Variants in FHIT observed in about 807,000 individuals in gnomAD.
FHIT encodes the protein fragile histidine triad diadenosine triphosphatase.
Under a neutral mutation model 17.9 loss-of-function variants are expected in FHIT, and 19 were observed. The ratio of observed to expected loss-of-function variants is 1.06; its 90% CI spans 0.74 to 1.56. The LOEUF (loss-of-function observed/expected upper bound fraction) is 1.56. FHIT is among the 40% of genes most tolerant of loss of function. FHIT has a pLI of 0.00. For missense variants in FHIT, 248 were observed against 189.2 expected, an observed-to-expected ratio of 1.31 and a Z score of -1.82; for synonymous variants, 81 against 69.7, an observed-to-expected ratio of 1.16 and a Z score of -0.81.
chr3:60,059,154 C>A (rs1386935875), intron 5 of FHIT, among the ~76,000 whole-genome samples: 2 of 152,186 alleles, frequency 1.3e-5, no homozygotes, highest in Non-Finnish European at 2.9e-5. Context: ...TAATTTGTCA[C>A]AGCCAGCACC....
chr3:59,960,496 G>C (rs1053685680), intron 7 of FHIT, among the ~76,000 whole-genome samples: 1 of 152,142 alleles, frequency 6.6e-6, no homozygotes, highest in Admixed American at 6.5e-5. Flanking sequence ...CATCCTAGTG[G>C]AGTGGCCTAA....
chr3:60,491,564 G>C (rs1170785382), intron 5 of FHIT, among the ~76,000 whole-genome samples: 2 of 152,134 alleles, frequency 1.3e-5, no homozygotes, highest in Admixed American at 6.5e-5. Context: ...CATATAACAT[G>C]CCAGCTTAAT....
chr3:59,959,271 C>A (rs1707552892), intron 7 of FHIT, among the ~76,000 whole-genome samples: 1 of 152,274 alleles, frequency 6.6e-6, no homozygotes, highest in African/African-American at 2.4e-5. Context: ...GTCGGAGCTA[C>A]CCTTTAAAGA....
intron 2 of FHIT, among the ~76,000 whole-genome samples, chr3:61,196,218 T>TCTTC (rs1250572453): frequency 6.6e-6 from 1 of 152,052 alleles, no homozygotes; most frequent in African/African-American, 2.4e-5. Flanking sequence ...TGGGAAGCAA[T>TCTTC]CCAGAGAGAG....
chr3:61,114,397 G>A (rs982304780), intron 2 of FHIT, among the ~76,000 whole-genome samples: 4 of 152,176 alleles, frequency 2.6e-5, no homozygotes, highest in Admixed American at 2.6e-4. Flanking sequence ...TTTATTGGCA[G>A]CCAGAAGCCC....
intron 8 of FHIT, among the ~76,000 whole-genome samples, chr3:59,876,110 C>A (rs1240916432): frequency 6.6e-6 from 1 of 151,978 alleles, no homozygotes; most frequent in East Asian, 1.9e-4. Context: ...ATTATAGTTT[C>A]ATATGCCTGT....
chr3:60,399,852 C>G (rs138458396), intron 5 of FHIT, among the ~76,000 whole-genome samples: 1 of 152,210 alleles, frequency 6.6e-6, no homozygotes, highest in East Asian at 1.9e-4. Flanking sequence ...TTTTCTGTGG[C>G]TGAGTTAGGC....
intron 5 of FHIT, among the ~76,000 whole-genome samples, chr3:60,283,419 A>G (rs1707562067): frequency 6.6e-6 from 1 of 152,100 alleles, no homozygotes; most frequent in African/African-American, 2.4e-5. Flanking sequence ...TATTTTTCAC[A>G]TACCATAACA....
chr3:60,412,083 T>G (rs966636232), intron 5 of FHIT, among the ~76,000 whole-genome samples: 3 of 152,020 alleles, frequency 2.0e-5, no homozygotes, highest in African/African-American at 7.2e-5. Flanking sequence ...TTGGAAAGTT[T>G]TAAAAAGTAA....
intron 5 of FHIT, among the ~76,000 whole-genome samples, chr3:60,105,282 G>A (rs115850384): frequency 0.031 from 4,776 of 152,258 alleles, 100 homozygotes; most frequent in Non-Finnish European, 0.042. Context: ...TTCAGAGACA[G>A]TAAGATTTCA....
intron 5 of FHIT, among the ~76,000 whole-genome samples, chr3:60,251,006 G>T (rs1262639987): frequency 1.3e-5 from 2 of 152,198 alleles, no homozygotes; most frequent in South Asian, 4.1e-4. Context: ...CACGTGGTTT[G>T]TAAGTAGCCC....
intron 5 of FHIT, among the ~76,000 whole-genome samples, chr3:60,359,590 A>G (rs1699819877): frequency 6.6e-6 from 1 of 152,142 alleles, no homozygotes; most frequent in South Asian, 2.1e-4. Context: ...GAATATCAAA[A>G]TATCTTTTTC....
intron 4 of FHIT, among the ~76,000 whole-genome samples, chr3:60,715,574 G>A (rs551515087): frequency 1.2e-4 from 16 of 135,540 alleles, no homozygotes; most frequent in African/African-American, 4.2e-4. Context: ...TGAACAATGA[G>A]AACACATGGA....
chr3:59,902,600 G>A (rs1008534337), intron 8 of FHIT, among the ~76,000 whole-genome samples: 4 of 151,610 alleles, frequency 2.6e-5, no homozygotes, highest in East Asian at 1.9e-4. Context: ...AATGGAATAC[G>A]ATTTACTCTT....
rs183906840 is a variant in FHIT at position 60,479,469 on chromosome 3, G to A, written c.103+57391C>T. On this transcript the variant is annotated intron_variant, in intron 5 of 9. Coordinates refer to ENST00000492590, the MANE Select transcript of FHIT (RefSeq NM_002012.4). ...ATAATGTATCTGGAAAATTCCTATTGCTTAGTGACATCCTAGCTGTCTTAA... is the reference window on the plus strand; with the variant it reads ...ATAATGTATCTGGAAAATTCCTATTACTTAGTGACATCCTAGCTGTCTTAA... Among the ~76,000 whole-genome samples, 3 of 152,280 alleles carry A rather than the reference G, an allele frequency of 2.0e-5. No homozygotes were observed. In the East Asian group the frequency reaches 5.8e-4, roughly 29 times the overall value.
intron 4 of FHIT, among the ~76,000 whole-genome samples, chr3:60,734,461 G>A (rs1386261612): frequency 1.3e-5 from 2 of 152,164 alleles, no homozygotes; most frequent in African/African-American, 4.8e-5. Flanking sequence ...GGAGTGCAGT[G>A]ATACCAACAC....
At chr3:60,338,356 T>G (rs1576498303) in intron 5 of FHIT, among the ~76,000 whole-genome samples, 1 of 152,112 alleles carries the variant, frequency 6.6e-6, no homozygotes, top group Non-Finnish European at 1.5e-5. Context: ...TATTTAGAGA[T>G]CCTATTTATT....
At chr3:59,814,770 C>G (rs1575539230) in intron 8 of FHIT, among the ~76,000 whole-genome samples, 1 of 152,206 alleles carries the variant, frequency 6.6e-6, no homozygotes, top group Non-Finnish European at 1.5e-5. Flanking sequence ...TATAGAGGCC[C>G]TTTCCCTTTG....
rs1195170540 is a variant in FHIT, at chr3:60,019,835, G to C, written c.104-5683C>G. Reference sequence around the variant, plus strand: ...ACAGTTAGGAGCACAGTTGGGATTGGAGCTCAACTGGTGAGCTTCCCCAAC... The same window carrying C: ...ACAGTTAGGAGCACAGTTGGGATTGCAGCTCAACTGGTGAGCTTCCCCAAC... On this transcript the variant is annotated intron_variant, in intron 5 of 9. Coordinates refer to ENST00000492590, the MANE Select transcript of FHIT (RefSeq NM_002012.4). 2.0e-5 allele frequency among the ~76,000 whole-genome samples: 3 copies of C among 152,188 alleles called. No individual in the cohort carries two copies. The East Asian group carries it at 5.8e-4, about 29-fold the overall frequency.
Sources: gnomAD v4.1 joint callset for allele counts (sites outside exome capture counted in the v4.1 genomes callset) on GRCh38, gnomAD v4.1.1 for gene constraint, MANE v1.5 for transcripts, NCBI Gene and HGNC (gene_info 2026-07-23, HGNC 2026-07-21) for gene names.